The following MCTP1 variants were observed in gnomAD, a reference collection of about 807,000 sequenced individuals.
MCTP1 encodes multiple C2 and transmembrane domain containing 1, also known as multiple C2 and transmembrane domain-containing protein 1.
MCTP1 carries 69 observed loss-of-function variants against 120.6 expected under a neutral mutation model. The observed-to-expected ratio is 0.57, with a 90% CI of 0.47 to 0.70. The LOEUF is 0.70. Among genes scored for constraint, MCTP1 ranks in the 30% least tolerant of loss-of-function variants. The probability of loss-of-function intolerance (pLI) is 0.00; values close to 1 mark genes in which losing one functional copy is unlikely to be tolerated. For synonymous variants in MCTP1, 529 were observed against 493.1 expected, an observed-to-expected ratio of 1.07 and a Z score of -0.96; for missense variants, 1,203 against 1,248.8, an observed-to-expected ratio of 0.96 and a Z score of 0.55.
chr5:95,037,429 G>T (rs1841534748), intron 1 of MCTP1, among the ~76,000 whole-genome samples: 1 of 152,130 alleles, frequency 6.6e-6, no homozygotes, highest in Non-Finnish European at 1.5e-5. Flanking sequence ...AGACAGGAAG[G>T]AAATATAACA....
intron 1 of MCTP1, among the ~76,000 whole-genome samples, chr5:95,209,574 TAGTAAAG>T (rs1420865823): frequency 6.6e-6 from 1 of 152,170 alleles, no homozygotes; most frequent in Non-Finnish European, 1.5e-5. Context: ...TTTACTCTTT[TAGTAAAG>T]AGTAATTTCC....
At chr5:95,136,540 T>C (rs1312798819) in intron 1 of MCTP1, among the ~76,000 whole-genome samples, 1 of 151,802 alleles carries the variant, frequency 6.6e-6, no homozygotes, top group Non-Finnish European at 1.5e-5. Context: ...CAGGGAAAAT[T>C]CAAGGGGGAG....
At chr5:94,711,226 TCTTTATTTTTCTA>T (rs1214590703) in intron 20 of MCTP1, among the ~76,000 whole-genome samples, 2 of 152,098 alleles carry the variant, frequency 1.3e-5, no homozygotes, top group African/African-American at 2.4e-5. Context: ...TTATTTTTCT[TCTTTATTTTTCTA>T]CTGCTAAGAC....
At chr5:95,213,362 G>A (rs1426303314) in intron 1 of MCTP1, among the ~76,000 whole-genome samples, 9 of 152,180 alleles carry the variant, frequency 5.9e-5, no homozygotes, top group Admixed American at 5.9e-4. Flanking sequence ...TGAAATAGAA[G>A]AGGATACAAA....
At chr5:94,966,086 G>A (rs1157343335) in intron 2 of MCTP1, among the ~76,000 whole-genome samples, 1 of 152,064 alleles carries the variant, frequency 6.6e-6, no homozygotes, top group African/African-American at 2.4e-5. Context: ...ACTTTGAGTT[G>A]GAAAAAGCAT....
At chr5:95,278,368 G>A (rs766324369) in intron 1 of MCTP1, among the ~76,000 whole-genome samples, 4 of 152,144 alleles carry the variant, frequency 2.6e-5, no homozygotes, top group Non-Finnish European at 5.9e-5. Context: ...AGAAAAAGGT[G>A]CCTCTTCTTT....
At chr5:95,242,383 C>A (rs1170355978) in intron 1 of MCTP1, among the ~76,000 whole-genome samples, 1 of 151,960 alleles carries the variant, frequency 6.6e-6, no homozygotes. Flanking sequence ...TGAACAAGAG[C>A]CCTCAAATAC....
intron 19 of MCTP1, among the ~76,000 whole-genome samples, chr5:94,753,714 C>T (rs1580485000): frequency 6.6e-6 from 1 of 152,220 alleles, no homozygotes; most frequent in East Asian, 1.9e-4. Flanking sequence ...TCTAAACTAC[C>T]CAGTATTGAA....
intron 17 of MCTP1, among the ~76,000 whole-genome samples, chr5:94,813,325 T>C (rs1411363499): frequency 1.3e-5 from 2 of 152,190 alleles, no homozygotes; most frequent in Non-Finnish European, 2.9e-5. Context: ...TAAATGTTGG[T>C]GAAGACACAG....
At chr5:95,256,770 AAG>A (rs1757940783) in intron 1 of MCTP1, among the ~76,000 whole-genome samples, 2 of 152,344 alleles carry the variant, frequency 1.3e-5, no homozygotes, top group African/African-American at 4.8e-5. Context: ...TGCAGGGAGT[AAG>A]AGAAAGCAAG....
chr5:95,160,086 T>C (rs1310395876), intron 1 of MCTP1, among the ~76,000 whole-genome samples: 2 of 152,182 alleles, frequency 1.3e-5, no homozygotes, highest in African/African-American at 2.4e-5. Flanking sequence ...ATGAAGTGCT[T>C]TGTATACAAC....
intron 2 of MCTP1, among the ~76,000 whole-genome samples, chr5:95,003,504 C>T (rs1009895389): frequency 3.3e-5 from 5 of 152,208 alleles, no homozygotes; most frequent in Admixed American, 2.0e-4. Flanking sequence ...GTATCCCTGT[C>T]ATTAAGCAAT....
At chr5:94,930,048 G>A (rs1386930934) in intron 6 of MCTP1, among the ~76,000 whole-genome samples, 1 of 151,980 alleles carries the variant, frequency 6.6e-6, no homozygotes, top group Non-Finnish European at 1.5e-5. Context: ...TCTTCAGTTG[G>A]AAGCTTGAAA....
At chr5:95,092,278 G>C (rs369607228) in intron 1 of MCTP1, among the ~76,000 whole-genome samples, 1 of 152,074 alleles carries the variant, frequency 6.6e-6, no homozygotes, top group Non-Finnish European at 1.5e-5. Context: ...AGAACTTGCT[G>C]GGTTAAAAAA....
intron 1 of MCTP1, among the ~76,000 whole-genome samples, chr5:95,232,563 G>A (rs760250286): frequency 2.0e-5 from 3 of 150,164 alleles, no homozygotes; most frequent in African/African-American, 4.9e-5. Flanking sequence ...GGTTCATGCC[G>A]TTCTCCTGCC....
intron 1 of MCTP1, among the ~76,000 whole-genome samples, chr5:95,257,834 C>CACAGAG: frequency 6.6e-6 from 1 of 150,918 alleles, no homozygotes; most frequent in African/African-American, 2.4e-5. Context: ...CACACACAGA[C>CACAGAG]GGGAGTATAT....
chr5:94,848,109 A>G (rs560528007), intron 17 of MCTP1, among the ~76,000 whole-genome samples: 1 of 152,288 alleles, frequency 6.6e-6, no homozygotes, highest in South Asian at 2.1e-4. Context: ...AGTTGAAAAG[A>G]GCAAACTAAA....
At chr5:94,764,129 A>G (rs1189186474) in intron 19 of MCTP1, among the ~76,000 whole-genome samples, 4 of 152,226 alleles carry the variant, frequency 2.6e-5, no homozygotes, top group Non-Finnish European at 5.9e-5. Flanking sequence ...GAAAAGAGAT[A>G]TGGCAGAGCC....
At chr5:94,947,577 T>TATATATAGAGAGAGAGAGAG in intron 3 of MCTP1, among the ~76,000 whole-genome samples, 29 of 47,388 alleles carry the variant, frequency 6.1e-4, no homozygotes, top group Non-Finnish European at 8.8e-4. Context: ...TATATATATA[T>TATATATAGAGAGAGAGAGAG]AGAGAGAGAG....
Sources: gnomAD v4.1 joint callset for allele counts (sites outside exome capture counted in the v4.1 genomes callset) on GRCh38, gnomAD v4.1.1 for gene constraint, MANE v1.5 for transcripts, NCBI Gene and HGNC (gene_info 2026-07-23, HGNC 2026-07-21) for gene names.